The following CTNNAL1 variants were observed in gnomAD, a reference collection of about 807,000 sequenced individuals.
CTNNAL1 encodes the protein alpha-catulin.
CTNNAL1 carries 69 observed loss-of-function variants against 93.6 expected under a neutral mutation model. The ratio of observed to expected loss-of-function variants is 0.74; its 90% CI spans 0.61 to 0.90. The LOEUF (loss-of-function observed/expected upper bound fraction) is 0.90, where lower values mean the gene tolerates loss of function less well. CTNNAL1 is among the 40% of genes least tolerant of loss of function. CTNNAL1 has a pLI of 0.00. For missense variants in CTNNAL1, 836 were observed against 862.0 expected, an observed-to-expected ratio of 0.97 and a Z score of 0.38; for synonymous variants, 286 against 305.4, an observed-to-expected ratio of 0.94 and a Z score of 0.66.
chr9:108,998,627 C>G (rs1004533722), intron 2 of CTNNAL1, among the ~76,000 whole-genome samples: 1 of 152,186 alleles, frequency 6.6e-6, no homozygotes, highest in Admixed American at 6.5e-5. Flanking sequence ...TCAAAACACT[C>G]TAGGTTCTCA....
chr9:108,991,639 C>T (rs377420470), intron 3 of CTNNAL1, among the ~76,000 whole-genome samples: 20 of 152,204 alleles, frequency 1.3e-4, no homozygotes, highest in African/African-American at 4.6e-4. Context: ...GAAGTTCAGG[C>T]GACTAACACT....
At chr9:109,009,137 C>A (rs1429386306) in intron 1 of CTNNAL1, among the ~76,000 whole-genome samples, 1 of 151,998 alleles carries the variant, frequency 6.6e-6, no homozygotes, top group Non-Finnish European at 1.5e-5. Flanking sequence ...CTCAAATGAT[C>A]TACCTACCTC....
intron 14 of CTNNAL1, among the ~76,000 whole-genome samples, chr9:108,949,436 G>A (rs922613509): frequency 2.0e-5 from 3 of 152,180 alleles, no homozygotes; most frequent in South Asian, 2.1e-4. Flanking sequence ...GGCCAAGCGC[G>A]GTGGCTCATG....
chr9:108,970,276 ATCTT>A (rs1367814331), intron 10 of CTNNAL1, 122 bp downstream of exon 10: 1 of 796,596 alleles, frequency 1.3e-6, no homozygotes, highest in Non-Finnish European at 1.8e-6. Flanking sequence ...AAATTCCATT[ATCTT>A]TCTTTCTCTA....
intron 6 of CTNNAL1, among the ~76,000 whole-genome samples, chr9:108,980,844 T>A (rs1369096245): frequency 6.6e-6 from 1 of 152,210 alleles, no homozygotes; most frequent in Non-Finnish European, 1.5e-5. Flanking sequence ...AAAATATACA[T>A]GTTTTTAGAC....
chr9:108,975,094 T>A (rs1320939379), intron 8 of CTNNAL1, among the ~76,000 whole-genome samples: 8 of 151,960 alleles, frequency 5.3e-5, no homozygotes, highest in Admixed American at 4.6e-4. Flanking sequence ...ACCCCTGAGG[T>A]AGAGGTGGCA....
chr9:109,009,219 C>T (rs1459917087), intron 1 of CTNNAL1, among the ~76,000 whole-genome samples: 1 of 151,892 alleles, frequency 6.6e-6, no homozygotes, highest in East Asian at 1.9e-4. Context: ...TTAAAGAAGT[C>T]GAATTTATCC....
intron 15 of CTNNAL1, among the ~76,000 whole-genome samples, chr9:108,946,779 A>T (rs1054335954): frequency 6.6e-6 from 1 of 152,228 alleles, no homozygotes; most frequent in Non-Finnish European, 1.5e-5. Flanking sequence ...ATGCAATTTT[A>T]TGTTCATCAC....
At chr9:108,966,574 C>T (rs746278449) in intron 10 of CTNNAL1, among the ~76,000 whole-genome samples, 3 of 151,982 alleles carry the variant, frequency 2.0e-5, no homozygotes, top group Non-Finnish European at 4.4e-5. Flanking sequence ...TGAGGGCTAG[C>T]GAGGCACAAA....
chr9:108,945,056 C>T (rs1830360740), intron 15 of CTNNAL1, among the ~76,000 whole-genome samples: 1 of 152,262 alleles, frequency 6.6e-6, no homozygotes, highest in Middle Eastern at 3.4e-3. Context: ...CCTGCAAACC[C>T]CTTGGGGACA....
At chr9:108,987,498 A>G (rs1831650516) in intron 4 of CTNNAL1, among the ~76,000 whole-genome samples, 1 of 151,974 alleles carries the variant, frequency 6.6e-6, no homozygotes, top group African/African-American at 2.4e-5. Context: ...CTTAGGATTG[A>G]CTTGGCAATG....
At chr9:108,976,612 C>T (rs564548555) in intron 8 of CTNNAL1, among the ~76,000 whole-genome samples, 1 of 151,980 alleles carries the variant, frequency 6.6e-6, no homozygotes, top group East Asian at 1.9e-4. Flanking sequence ...CTCACTGCAG[C>T]CTTGAGCCCT....
intron 14 of CTNNAL1, among the ~76,000 whole-genome samples, chr9:108,949,152 A>C (rs970774864): frequency 1.3e-5 from 2 of 152,224 alleles, no homozygotes; most frequent in Non-Finnish European, 2.9e-5. Flanking sequence ...AGGGCTATAA[A>C]TCTGCCCAGG....
intron 1 of CTNNAL1, among the ~76,000 whole-genome samples, chr9:109,004,591 G>C (rs1826956998): frequency 6.6e-6 from 1 of 152,112 alleles, no homozygotes; most frequent in Non-Finnish European, 1.5e-5. Context: ...TTTGAGACCA[G>C]CTTGGCCAAC....
chr9:109,003,733 C>T (rs1826924602), intron 1 of CTNNAL1, among the ~76,000 whole-genome samples: 1 of 152,152 alleles, frequency 6.6e-6, no homozygotes, highest in Non-Finnish European at 1.5e-5. Flanking sequence ...ACTTAAGGAA[C>T]TACTACATAC....
In CTNNAL1 at chr9:108,950,614, A is replaced by G. The variant is rs1228584577; in HGVS notation, c.1835+1595T>C. 4.5e-6 allele frequency: 7 copies of G among 1,549,118 alleles called. No individual in the cohort carries two copies. In the African/African-American group the frequency reaches 9.6e-5, roughly 21 times the overall value. On this transcript the variant is annotated intron_variant, in intron 14 of 18. Coordinates refer to ENST00000325551, the MANE Select transcript of CTNNAL1 (RefSeq NM_003798.4). The stretch of plus-strand genomic sequence containing the variant: ...CTTAATCCTCCTTCTATAGGAAGGA[A>G]TCTTCACGAGCACAGGATCCCTCAC...
At position 108,970,399 on chromosome 9, in the gene CTNNAL1, T is replaced by C. The variant is rs761274296; in HGVS notation, c.1440+3A>G. The C allele has an allele frequency of 1.2e-5, 20 of 1,609,236 alleles. No homozygotes were observed. Among genetic ancestry groups the C allele is most frequent in the Non-Finnish European group, 1.6e-5 (19 of 1,178,202 alleles). On this transcript the variant is annotated splice_donor_region_variant and intron_variant, in intron 10 of 18. Transcript: ENST00000325551. ...CAGAAGGAGCAATCTGCTATTATCATACCTGTTGGCCAGTCACCTGAAATG... is the reference window on the plus strand; with the variant it reads ...CAGAAGGAGCAATCTGCTATTATCACACCTGTTGGCCAGTCACCTGAAATG...
chr9:108,998,141 G>T (rs1735504226), intron 2 of CTNNAL1, among the ~76,000 whole-genome samples: 1 of 152,014 alleles, frequency 6.6e-6, no homozygotes, highest in South Asian at 2.1e-4. Context: ...CTCAACTGGG[G>T]GCCATTTTTA....
rs1827118160 is a variant in CTNNAL1, at chr9:109,008,875, T to A, written c.141+4427A>T. On this transcript the variant is annotated intron_variant, in intron 1 of 18. Transcript: ENST00000325551. ...CGTTTTCCTTTTGATGAACAGAGGT[T>A]CTTTTTTTTTTTTTTTTTTTTTTTT... 5.6e-5 allele frequency among the ~76,000 whole-genome samples: 7 copies of A among 125,120 alleles called. No individual in the cohort carries two copies. In the South Asian group the frequency reaches 1.7e-3, roughly 30 times the overall value. The allele number at this position is 125,120 out of a possible 152,430, so 82.1% of individuals were successfully genotyped here.
Sources: gnomAD v4.1 joint callset for allele counts (sites outside exome capture counted in the v4.1 genomes callset) on GRCh38, gnomAD v4.1.1 for gene constraint, MANE v1.5 for transcripts, NCBI Gene and HGNC (gene_info 2026-07-23, HGNC 2026-07-21) for gene names.